The following SGCZ variants were observed in gnomAD, a reference collection of about 807,000 sequenced individuals.
The protein encoded by SGCZ is zeta-sarcoglycan.
Under a neutral mutation model 41.3 loss-of-function variants are expected in SGCZ, and 40 were observed. The observed-to-expected ratio is 0.97, with a 90% CI of 0.75 to 1.26. The LOEUF (loss-of-function observed/expected upper bound fraction) is 1.26. Among genes scored for constraint, SGCZ ranks in the 50% most tolerant of loss-of-function variants. SGCZ has a pLI of 0.00. For missense variants in SGCZ, 552 were observed against 369.8 expected, an observed-to-expected ratio of 1.49 and a Z score of -4.04; for synonymous variants, 206 against 137.5, an observed-to-expected ratio of 1.50 and a Z score of -3.49.
intron 2 of SGCZ, among the ~76,000 whole-genome samples, chr8:14,423,857 T>C (rs1392329294): frequency 2.0e-5 from 3 of 152,188 alleles, no homozygotes; most frequent in African/African-American, 4.8e-5. Flanking sequence ...CTTCTTTCTC[T>C]GCCACCATTT....
intron 3 of SGCZ, among the ~76,000 whole-genome samples, chr8:14,311,665 G>T (rs957707597): frequency 6.6e-6 from 1 of 152,162 alleles, no homozygotes; most frequent in East Asian, 1.9e-4. Flanking sequence ...AATGAGGTCA[G>T]CTCTTACATA....
At chr8:15,022,902 C>T (rs1034646214) in intron 1 of SGCZ, among the ~76,000 whole-genome samples, 1 of 152,146 alleles carries the variant, frequency 6.6e-6, no homozygotes, top group Non-Finnish European at 1.5e-5. Flanking sequence ...AAGTAACGTA[C>T]GTTTCACAGC....
At chr8:14,369,630 A>C (rs1482644151) in intron 2 of SGCZ, among the ~76,000 whole-genome samples, 1 of 152,072 alleles carries the variant, frequency 6.6e-6, no homozygotes, top group African/African-American at 2.4e-5. Context: ...GTTTCTCAAC[A>C]AACATTAACA....
intron 1 of SGCZ, among the ~76,000 whole-genome samples, chr8:14,864,918 G>C (rs909799442): frequency 6.6e-6 from 1 of 151,920 alleles, no homozygotes; most frequent in African/African-American, 2.4e-5. Context: ...TTCCTTGATG[G>C]TTGGTGATGT....
chr8:14,203,887 T>C (rs917734465), intron 4 of SGCZ, among the ~76,000 whole-genome samples: 1 of 151,790 alleles, frequency 6.6e-6, no homozygotes, highest in African/African-American at 2.4e-5. Flanking sequence ...GGAAAGGAAT[T>C]GGGGGAAAGA....
At chr8:14,762,332 G>GAC (rs1799911787) in intron 1 of SGCZ, among the ~76,000 whole-genome samples, 1 of 151,938 alleles carries the variant, frequency 6.6e-6, no homozygotes, top group Admixed American at 6.6e-5. Context: ...AGACAGAAAG[G>GAC]ACATAGGATC....
At chr8:14,487,910 T>G (rs1801723338) in intron 2 of SGCZ, 1 of 152,170 alleles carries the variant, frequency 6.6e-6, no homozygotes, top group South Asian at 2.1e-4. Flanking sequence ...TACTCTGTAG[T>G]AAGTGTTATG....
At chr8:14,999,595 T>A (rs1364522496) in intron 1 of SGCZ, among the ~76,000 whole-genome samples, 1 of 152,188 alleles carries the variant, frequency 6.6e-6, no homozygotes, top group East Asian at 1.9e-4. Context: ...AGTCAGAGGC[T>A]GCATGAGGGT....
intron 1 of SGCZ, among the ~76,000 whole-genome samples, chr8:15,075,087 C>T (rs1307349796): frequency 6.6e-6 from 1 of 152,076 alleles, no homozygotes; most frequent in Non-Finnish European, 1.5e-5. Context: ...TCTTTTGGTT[C>T]AGCTACTTGA....
At chr8:14,733,211 A>G (rs973584469) in intron 1 of SGCZ, among the ~76,000 whole-genome samples, 11 of 152,168 alleles carry the variant, frequency 7.2e-5, no homozygotes, top group African/African-American at 2.7e-4. Flanking sequence ...TACCCCAGGT[A>G]TCTAGGGACA....
chr8:14,969,027 A>T (rs1003638672), intron 1 of SGCZ, among the ~76,000 whole-genome samples: 1 of 152,096 alleles, frequency 6.6e-6, no homozygotes, highest in African/African-American at 2.4e-5. Context: ...TGTGCTACTA[A>T]TACTAATCTA....
chr8:14,952,199 A>G (rs1800662387), intron 1 of SGCZ, among the ~76,000 whole-genome samples: 1 of 152,192 alleles, frequency 6.6e-6, no homozygotes, highest in African/African-American at 2.4e-5. Context: ...AATCTGAATT[A>G]TCATTACTGT....
At chr8:15,221,683 C>T (rs2117185770) in intron 1 of SGCZ, among the ~76,000 whole-genome samples, 1 of 152,224 alleles carries the variant, frequency 6.6e-6, no homozygotes, top group East Asian at 1.9e-4. Flanking sequence ...GAAAACCCAT[C>T]AATGTGTGGA....
At chr8:14,475,462 AT>A (rs147602053) in intron 2 of SGCZ, among the ~76,000 whole-genome samples, 8,219 of 152,194 alleles carry the variant, frequency 0.054, 721 homozygotes, top group African/African-American at 0.18. Context: ...TGCATGATTC[AT>A]TTTTCATTCC....
At chr8:15,062,033 G>C (rs922007412) in intron 1 of SGCZ, among the ~76,000 whole-genome samples, 1 of 152,234 alleles carries the variant, frequency 6.6e-6, no homozygotes, top group African/African-American at 2.4e-5. Flanking sequence ...CAGATACTCT[G>C]CTGCACCAGA....
chr8:15,206,180 A>C (rs1316715923), intron 1 of SGCZ, among the ~76,000 whole-genome samples: 4 of 152,188 alleles, frequency 2.6e-5, no homozygotes, highest in African/African-American at 9.7e-5. Flanking sequence ...GGAACCTAAA[A>C]TAAAAGTTTA....
At chr8:14,756,309 CT>C (rs1440651756) in intron 1 of SGCZ, among the ~76,000 whole-genome samples, 5 of 151,922 alleles carry the variant, frequency 3.3e-5, no homozygotes, top group African/African-American at 9.7e-5. Flanking sequence ...CCTCAGCCTC[CT>C]GAGTAGCTGG....
At chr8:14,859,035 T>A (rs867398013) in intron 1 of SGCZ, among the ~76,000 whole-genome samples, 1 of 152,152 alleles carries the variant, frequency 6.6e-6, no homozygotes, top group African/African-American at 2.4e-5. Flanking sequence ...CTGTCAGTTA[T>A]TATTTTAGGT....
chr8:14,891,102 C>T (rs34895619), intron 1 of SGCZ, among the ~76,000 whole-genome samples: 3 of 152,162 alleles, frequency 2.0e-5, no homozygotes, highest in East Asian at 3.9e-4. Flanking sequence ...TGTTTCCATG[C>T]CTGCAAGAAG....
Sources: allele counts gnomAD v4.1 joint callset (sites outside exome capture counted in the v4.1 genomes callset), GRCh38; gene constraint gnomAD v4.1.1; transcripts MANE v1.5; gene names NCBI Gene and HGNC (gene_info 2026-07-23, HGNC 2026-07-21).